Variants in STK33 observed in about 807,000 individuals in gnomAD.
STK33 encodes serine/threonine kinase 33.
STK33 carries 52 observed loss-of-function variants against 58.0 expected under a neutral mutation model. That is an observed-to-expected ratio of 0.90 (90% confidence interval 0.72 to 1.13). The LOEUF (loss-of-function observed/expected upper bound fraction) is 1.13. Ranked by LOEUF, STK33 falls within the 50% of genes most tolerant of loss-of-function variation. STK33 has a pLI of 0.00. For missense variants in STK33, 630 were observed against 604.2 expected, an observed-to-expected ratio of 1.04 and a Z score of -0.45; for synonymous variants, 215 against 200.1, an observed-to-expected ratio of 1.07 and a Z score of -0.63.
chr11:8,476,142 ATCT>A (rs1949250230), intron 4 of STK33, among the ~76,000 whole-genome samples: 1 of 152,090 alleles, frequency 6.6e-6, no homozygotes, highest in African/African-American at 2.4e-5. Context: ...CAGAATCCTG[ATCT>A]TCTTTGGGGC....
At chr11:8,503,984 A>T (rs7947670) in intron 1 of STK33, among the ~76,000 whole-genome samples, 1 of 152,006 alleles carries the variant, frequency 6.6e-6, no homozygotes, top group Non-Finnish European at 1.5e-5. Flanking sequence ...TAGCTTTAAA[A>T]GGAATTACAT....
chr11:8,495,446 C>G (rs947367316), intron 1 of STK33, among the ~76,000 whole-genome samples: 12 of 152,226 alleles, frequency 7.9e-5, no homozygotes, highest in African/African-American at 2.9e-4. Context: ...AGTCAGGAAA[C>G]AACAGATACT....
chr11:8,493,996 G>T (rs1040894304), intron 1 of STK33, among the ~76,000 whole-genome samples: 2 of 152,114 alleles, frequency 1.3e-5, no homozygotes, highest in African/African-American at 4.8e-5. Context: ...CTATCATACT[G>T]AATGGGCAAA....
chr11:8,529,460 T>C (rs940673954), intron 1 of STK33, among the ~76,000 whole-genome samples: 3 of 152,160 alleles, frequency 2.0e-5, no homozygotes, highest in African/African-American at 7.2e-5. Flanking sequence ...AGGAAAAGCC[T>C]GGTCTTGAGA....
intron 1 of STK33, among the ~76,000 whole-genome samples, chr11:8,543,979 A>T (rs376833877): frequency 7.9e-5 from 12 of 152,282 alleles, no homozygotes; most frequent in African/African-American, 2.6e-4. Context: ...GTAATTCACA[A>T]TTGCCAGTTC....
At position 8,471,369 on chromosome 11, in the gene STK33, T is replaced by G. The variant is rs959763940; in HGVS notation, c.339+1794A>C. 2.0e-5 allele frequency among the ~76,000 whole-genome samples: 3 copies of G among 152,306 alleles called. No individual in the cohort carries two copies. The East Asian group carries it at 5.8e-4, about 29-fold the overall frequency. ...GATGAAGGAGAAAACAGTTTCTTAT[T>G]TCTAATAATTGTGTAAGGATGTTAT... is the stretch of plus-strand genomic sequence containing the variant. On this transcript the variant is annotated intron_variant, in intron 6 of 15. Transcript: ENST00000687296.
chr11:8,544,241 A>G (rs1955738880), intron 1 of STK33, among the ~76,000 whole-genome samples: 1 of 150,718 alleles, frequency 6.6e-6, no homozygotes, highest in Non-Finnish European at 1.5e-5. Context: ...ACTCCCACTT[A>G]TAAGACTCTG....
chr11:8,430,889 T>TG (rs1943343102), intron 14 of STK33, among the ~76,000 whole-genome samples: 1 of 145,910 alleles, frequency 6.9e-6, no homozygotes, highest in East Asian at 2.0e-4. Flanking sequence ...TTTTTTGAGA[T>TG]GGAGTCTTGC....
At chr11:8,391,483 G>C (rs1848625140), downstream of STK33, among the ~76,000 whole-genome samples, 1 of 152,210 alleles carries the variant, frequency 6.6e-6, no homozygotes. Flanking sequence ...TAGTTACCAA[G>C]TGGATTTAAA....
chr11:8,412,673 A>G (rs969359968), intron 15 of STK33, among the ~76,000 whole-genome samples: 6 of 152,194 alleles, frequency 3.9e-5, no homozygotes, highest in African/African-American at 1.4e-4. Context: ...AAGTCTGGCT[A>G]CCCTGAGGTG....
intron 1 of STK33, among the ~76,000 whole-genome samples, chr11:8,522,727 T>A (rs1415991540): frequency 6.6e-6 from 1 of 151,982 alleles, no homozygotes; most frequent in African/African-American, 2.4e-5. Flanking sequence ...AAAAAGGCAA[T>A]CTATAAAACG....
the STK33 span, among the ~76,000 whole-genome samples, chr11:8,336,315 G>A: frequency 2.0e-5 from 3 of 152,226 alleles, no homozygotes; most frequent in African/African-American, 4.8e-5. Context: ...TTCCCACCCC[G>A]GAGGAGCCTG....
chr11:8,529,657 T>C (rs1463902527), intron 1 of STK33, among the ~76,000 whole-genome samples: 2 of 151,768 alleles, frequency 1.3e-5, no homozygotes, highest in Non-Finnish European at 2.9e-5. Flanking sequence ...GCAAAGGTAA[T>C]AGTAGGAGAT....
chr11:8,493,595 T>C (rs1460656964), intron 1 of STK33, among the ~76,000 whole-genome samples: 1 of 152,198 alleles, frequency 6.6e-6, no homozygotes, highest in Non-Finnish European at 1.5e-5. Flanking sequence ...TAACTCATTT[T>C]ATGAGGCCAG....
At chr11:8,552,757 TA>T (rs1179538135) in intron 1 of STK33, among the ~76,000 whole-genome samples, 2 of 152,106 alleles carry the variant, frequency 1.3e-5, no homozygotes, top group African/African-American at 4.8e-5. Flanking sequence ...TCTCCTATGA[TA>T]AAAATGCCTT....
the STK33 span, among the ~76,000 whole-genome samples, chr11:8,349,161 GAC>G: frequency 1.3e-5 from 2 of 152,204 alleles, no homozygotes; most frequent in African/African-American, 4.8e-5. Flanking sequence ...CATGTTGGTT[GAC>G]TTTGCCAAGA....
chr11:8,403,865 C>A (rs1455383089), intron 15 of STK33, among the ~76,000 whole-genome samples: 1 of 152,200 alleles, frequency 6.6e-6, no homozygotes, highest in Non-Finnish European at 1.5e-5. Flanking sequence ...GATGCAAAAC[C>A]TGTAAGCTCT....
chr11:8,447,221 G>C (rs1453080431), intron 11 of STK33, among the ~76,000 whole-genome samples: 2 of 152,150 alleles, frequency 1.3e-5, no homozygotes, highest in East Asian at 3.9e-4. Context: ...GGAGGAGCTG[G>C]TACCATTCCT....
At chr11:8,554,459 C>T (rs899162816) in intron 1 of STK33, among the ~76,000 whole-genome samples, 1 of 147,858 alleles carries the variant, frequency 6.8e-6, no homozygotes, top group Non-Finnish European at 1.5e-5. Context: ...CCTGAACAGA[C>T]ATTTCTACAA....
Sources: allele counts gnomAD v4.1 joint callset (sites outside exome capture counted in the v4.1 genomes callset), GRCh38; gene constraint gnomAD v4.1.1; transcripts MANE v1.5; gene names NCBI Gene and HGNC (gene_info 2026-07-23, HGNC 2026-07-21).